ITGA8: variants seen among roughly 807,000 people sequenced by gnomAD.
ITGA8 encodes integrin alpha-8.
A neutral mutation model predicts 142.3 loss-of-function variants in ITGA8; 91 were observed. The ratio of observed to expected loss-of-function variants is 0.64; its 90% CI spans 0.54 to 0.76. The LOEUF is 0.76. Among genes scored for constraint, ITGA8 ranks in the 30% least tolerant of loss-of-function variants. ITGA8 has a pLI of 0.00. For missense variants in ITGA8, 1,406 were observed against 1,327.7 expected, an observed-to-expected ratio of 1.06 and a Z score of -0.92; for synonymous variants, 505 against 485.2, an observed-to-expected ratio of 1.04 and a Z score of -0.54.
rs879363505 is a variant in ITGA8, at chr10:15,625,083, G to GA, written c.1400-8525dup. Among the ~76,000 whole-genome samples the GA allele has an allele frequency of 5.3e-3, 744 of 140,582 alleles. 3 individuals carry two copies. The highest frequency in any genetic ancestry group is 0.017 in the African/African-American group (651 of 38,324). 92.2% of individuals were successfully genotyped at this position (140,582 alleles called of 152,430 possible). A position where few individuals can be genotyped will look rare whatever the true frequency, so the allele number is the denominator to read the frequency against. On this transcript the variant is annotated intron_variant, in intron 13 of 29. Coordinates refer to ENST00000378076, the MANE Select transcript of ITGA8 (RefSeq NM_003638.3). Reference sequence around the variant, plus strand: ...GTTATGAGTTGAGGAAGAAATGTTTGAAAAAAAAAAAGCATGATTTTATCC... The same window carrying GA: ...GTTATGAGTTGAGGAAGAAATGTTTGAAAAAAAAAAAAGCATGATTTTATCC...
Position 15,557,721 on chromosome 10 carries a change from C to G in ITGA8, c.2766+353G>C, listed in dbSNP as rs536853055. 2.0e-4 allele frequency among the ~76,000 whole-genome samples: 31 copies of G among 152,290 alleles called. No homozygotes were observed. The Middle Eastern group carries it at 0.01, about 50-fold the overall frequency. On this transcript the variant is annotated intron_variant, in intron 26 of 29. Transcript: ENST00000378076. The stretch of plus-strand genomic sequence containing the variant: ...GAGATTCTGGGACAGGTGCAGAACT[C>G]CAAGGGTCCATGCTCACTTCAAACT...
At chr10:15,609,434 T>C (rs1300904189) in intron 15 of ITGA8, among the ~76,000 whole-genome samples, 2 of 152,180 alleles carry the variant, frequency 1.3e-5, no homozygotes, top group Admixed American at 6.5e-5. Flanking sequence ...GTGTCAAATA[T>C]AATGAAAAAG....
chr10:15,677,184 A>C (rs547912990), intron 6 of ITGA8, among the ~76,000 whole-genome samples: 3 of 152,346 alleles, frequency 2.0e-5, no homozygotes, highest in African/African-American at 4.8e-5. Context: ...TGTACACAAA[A>C]GTACAGCCTG....
In ITGA8 at chr10:15,665,379, T is replaced by C. The variant is rs1381916285; in HGVS notation, c.848-4457A>G. Among the ~76,000 whole-genome samples, 15 of 152,348 alleles carry C rather than the reference T, an allele frequency of 9.8e-5. No homozygotes were observed. In the East Asian group the frequency reaches 2.5e-3, roughly 25 times the overall value. ...GATGGGGTTGTTTGTTTTTTTCTCATAAATTTGTTTGAGTTCATTGTAGAT... is the reference window on the plus strand; with the variant it reads ...GATGGGGTTGTTTGTTTTTTTCTCACAAATTTGTTTGAGTTCATTGTAGAT... On this transcript the variant is annotated intron_variant, in intron 8 of 29. Transcript: ENST00000378076.
At chr10:15,587,701 A>G (rs1588660689) in intron 22 of ITGA8, among the ~76,000 whole-genome samples, 1 of 130,346 alleles carries the variant, frequency 7.7e-6, no homozygotes, top group South Asian at 3.0e-4. Flanking sequence ...GGATATTTAC[A>G]AAATGCATTA....
intron 29 of ITGA8, among the ~76,000 whole-genome samples, 172 bp from the exon 30 acceptor site, chr10:15,517,416 C>G (rs1288599531): frequency 6.6e-6 from 1 of 152,082 alleles, no homozygotes; most frequent in African/African-American, 2.4e-5. Context: ...CCTCCGCCTC[C>G]CGGTTCAAGC....
intron 14 of ITGA8, 126 bp downstream of exon 14, chr10:15,616,388 G>T: frequency 1.3e-6 from 1 of 771,564 alleles, no homozygotes; most frequent in Non-Finnish European, 2.2e-6. Flanking sequence ...AATACCTCTA[G>T]ACTTTAAAAA....
intron 13 of ITGA8, among the ~76,000 whole-genome samples, chr10:15,618,443 G>A (rs1389809686): frequency 6.6e-6 from 1 of 152,210 alleles, no homozygotes; most frequent in Non-Finnish European, 1.5e-5. Context: ...ACAGAAAAAT[G>A]ATTTACAGCC....
chr10:15,573,807 A>G (rs189282605), intron 24 of ITGA8, among the ~76,000 whole-genome samples: 78 of 152,232 alleles, frequency 5.1e-4, no homozygotes, highest in Non-Finnish European at 1.0e-3. Flanking sequence ...GGTTTTACCA[A>G]AATTCCCTGC....
At chr10:15,678,055 A>G (rs994996987) in intron 5 of ITGA8, among the ~76,000 whole-genome samples, 1 of 152,156 alleles carries the variant, frequency 6.6e-6, no homozygotes, top group Non-Finnish European at 1.5e-5. Context: ...ATACATCCCC[A>G]GTGCCACCCC....
chr10:15,691,675 GA>G (rs1377170422), intron 2 of ITGA8, among the ~76,000 whole-genome samples: 1 of 152,156 alleles, frequency 6.6e-6, no homozygotes, highest in Non-Finnish European at 1.5e-5. Flanking sequence ...GCAAACAGTA[GA>G]ATGGTAGTTA....
At chr10:15,664,131 T>A (rs79329182) in intron 8 of ITGA8, among the ~76,000 whole-genome samples, 140 of 152,278 alleles carry the variant, frequency 9.2e-4, no homozygotes, top group African/African-American at 3.2e-3. Context: ...ACAATACTAT[T>A]AGCTCATCAT....
At chr10:15,693,921 G>A (rs1168385281) in intron 2 of ITGA8, among the ~76,000 whole-genome samples, 1 of 151,742 alleles carries the variant, frequency 6.6e-6, no homozygotes, top group Non-Finnish European at 1.5e-5. Flanking sequence ...GATAGTTGAA[G>A]ACAGCGTAAG....
intron 21 of ITGA8, among the ~76,000 whole-genome samples, chr10:15,595,858 G>T (rs1188500210): frequency 6.6e-6 from 1 of 152,202 alleles, no homozygotes; most frequent in Non-Finnish European, 1.5e-5. Context: ...CTGAGGCCAG[G>T]AGTTCGAGAC....
At chr10:15,538,718 G>A (rs1008147330) in intron 27 of ITGA8, among the ~76,000 whole-genome samples, 4 of 151,916 alleles carry the variant, frequency 2.6e-5, no homozygotes, top group East Asian at 1.9e-4. Flanking sequence ...CATCATTTTT[G>A]TTCAGTCTAA....
intron 10 of ITGA8, among the ~76,000 whole-genome samples, chr10:15,658,597 T>C (rs914718312): frequency 6.6e-6 from 1 of 152,176 alleles, no homozygotes; most frequent in East Asian, 1.9e-4. Flanking sequence ...GATGGTATAG[T>C]TGGCTCTGTC....
chr10:15,554,857 A>G (rs1245467349), intron 26 of ITGA8, among the ~76,000 whole-genome samples: 1 of 152,082 alleles, frequency 6.6e-6, no homozygotes, highest in Non-Finnish European at 1.5e-5. Context: ...GAAAGGGTGA[A>G]GGAAAAGCAA....
intron 3 of ITGA8, among the ~76,000 whole-genome samples, chr10:15,686,107 A>G (rs1011222744): frequency 6.6e-6 from 1 of 152,254 alleles, no homozygotes; most frequent in Non-Finnish European, 1.5e-5. Flanking sequence ...GTATGGTATC[A>G]CACTTAATTC....
At chr10:15,609,690 G>C (rs1158329124) in intron 15 of ITGA8, among the ~76,000 whole-genome samples, 1 of 152,160 alleles carries the variant, frequency 6.6e-6, no homozygotes, top group East Asian at 1.9e-4. Flanking sequence ...TTCAAAATTA[G>C]AATTTTTCTG....
Sources: allele counts gnomAD v4.1 joint callset (sites outside exome capture counted in the v4.1 genomes callset), GRCh38; gene constraint gnomAD v4.1.1; transcripts MANE v1.5; gene names NCBI Gene and HGNC (gene_info 2026-07-23, HGNC 2026-07-21).